The following THSD7B variants were observed in gnomAD, a reference collection of about 807,000 sequenced individuals.
THSD7B encodes the protein thrombospondin type-1 domain-containing protein 7B.
THSD7B carries 138 observed loss-of-function variants against 213.6 expected under a neutral mutation model. The ratio of observed to expected loss-of-function variants is 0.65; its 90% confidence interval spans 0.56 to 0.74. THSD7B has a LOEUF of 0.74. Ranked by LOEUF, THSD7B falls within the 30% of genes least tolerant of loss-of-function variation. The probability of loss-of-function intolerance (pLI) is 0.00; values close to 1 mark genes in which losing one functional copy is unlikely to be tolerated. For synonymous variants in THSD7B, 742 were observed against 687.0 expected, an observed-to-expected ratio of 1.08 and a Z score of -1.25; for missense variants, 1,931 against 1,991.5, an observed-to-expected ratio of 0.97 and a Z score of 0.58.
intron 7 of THSD7B, among the ~76,000 whole-genome samples, chr2:137,211,907 T>C (rs1056669186): frequency 6.6e-6 from 1 of 152,056 alleles, no homozygotes; most frequent in African/African-American, 2.4e-5. Flanking sequence ...TAGATATTTA[T>C]CAAATGAATC....
At chr2:137,646,915 A>G (rs995047613) in intron 21 of THSD7B, among the ~76,000 whole-genome samples, 38 of 152,150 alleles carry the variant, frequency 2.5e-4, no homozygotes, top group African/African-American at 9.2e-4. Context: ...AAGTTGCTAC[A>G]ACTTCATGTC....
chr2:137,421,594 G>A (rs931489005), intron 14 of THSD7B, among the ~76,000 whole-genome samples: 5 of 152,188 alleles, frequency 3.3e-5, no homozygotes, highest in Middle Eastern at 3.2e-3. Context: ...CATGTGTTCA[G>A]CTATCTGGAA....
intron 17 of THSD7B, among the ~76,000 whole-genome samples, chr2:137,594,499 T>G (rs1366041166): frequency 6.6e-6 from 1 of 152,008 alleles, no homozygotes; most frequent in South Asian, 2.1e-4. Flanking sequence ...ATTGCATTGT[T>G]GCCTTTGTAG....
chr2:136,903,102 C>T (rs148217814), intron 2 of THSD7B, among the ~76,000 whole-genome samples: 7 of 152,272 alleles, frequency 4.6e-5, no homozygotes, highest in East Asian at 3.9e-4. Context: ...GTAGCATTTA[C>T]GATGGCCCTT....
chr2:137,329,069 A>G (rs1289477558), intron 12 of THSD7B, among the ~76,000 whole-genome samples: 1 of 152,214 alleles, frequency 6.6e-6, no homozygotes, highest in Admixed American at 6.5e-5. Flanking sequence ...TAACTTTGGA[A>G]CTGGGTAACA....
At chr2:137,615,814 CT>C (rs149499454) in intron 17 of THSD7B, among the ~76,000 whole-genome samples, 2 of 150,896 alleles carry the variant, frequency 1.3e-5, no homozygotes, top group Non-Finnish European at 2.9e-5. Context: ...CAGTTTCTTC[CT>C]TTTTTTAAAA....
chr2:137,056,763 C>T lies in THSD7B; in HGVS notation c.483C>T (p.His161=), dbSNP rs187220386. 26 of 1,614,002 alleles carry T rather than the reference C, an allele frequency of 1.6e-5. No individual in the cohort carries two copies. The East Asian group carries it at 4.7e-4, about 29-fold the overall frequency. The change falls in exon 3 of 28, where the codon CAC becomes CAT. Residue 161 remains histidine, a synonymous_variant. Coordinates refer to ENST00000409968, the MANE Select transcript of THSD7B (RefSeq NM_001316349.2). ...RTVVANEICE[H]FALQPPTEQA... is the part of the protein sequence containing the mutation. ...TGGTTGCAAATGAAATATGCGAACA[C>T]TTTGCCCTTCAGCCTCCTACAGAAC...
chr2:137,453,029 T>C (rs1194765566), intron 15 of THSD7B, among the ~76,000 whole-genome samples: 1 of 152,102 alleles, frequency 6.6e-6, no homozygotes, highest in Admixed American at 6.5e-5. Context: ...TTCTCTTTGG[T>C]TTTTCTTGAT....
chr2:137,434,966 G>C (rs1050417409), intron 14 of THSD7B, among the ~76,000 whole-genome samples: 2 of 151,962 alleles, frequency 1.3e-5, no homozygotes, highest in African/African-American at 2.4e-5. Context: ...AAAAACTTAC[G>C]GTAGTCTTCA....
At chr2:136,912,249 G>A (rs1312267787) in intron 2 of THSD7B, among the ~76,000 whole-genome samples, 1 of 150,548 alleles carries the variant, frequency 6.6e-6, no homozygotes, top group African/African-American at 2.5e-5. Flanking sequence ...TTGAACCTGG[G>A]AGGTGGAGGT....
intron 12 of THSD7B, among the ~76,000 whole-genome samples, chr2:137,294,676 G>T (rs981361620): frequency 9.3e-5 from 14 of 149,836 alleles, no homozygotes; most frequent in Non-Finnish European, 1.9e-4. Context: ...TTTATTGTTA[G>T]TTGTTAATTT....
intron 20 of THSD7B, among the ~76,000 whole-genome samples, chr2:137,642,052 T>C (rs1405352057): frequency 6.6e-6 from 1 of 152,192 alleles, no homozygotes; most frequent in African/African-American, 2.4e-5. Context: ...ACTATTTTGG[T>C]TTAATATTTG....
chr2:137,558,865 G>C (rs571402228), intron 15 of THSD7B, among the ~76,000 whole-genome samples: 1 of 152,314 alleles, frequency 6.6e-6, no homozygotes, highest in Admixed American at 6.5e-5. Flanking sequence ...CTCCAGCAAA[G>C]TCTCAGGATA....
intron 12 of THSD7B, among the ~76,000 whole-genome samples, chr2:137,322,997 A>G (rs1200474345): frequency 6.6e-6 from 1 of 152,162 alleles, no homozygotes. Context: ...GGACAGCTTC[A>G]TGCCATGGCT....
rs540641179 is a variant in THSD7B, at chr2:137,533,201, T to C, written c.3139-30020T>C. Among the ~76,000 whole-genome samples the C allele has an allele frequency of 3.3e-5, 5 of 151,976 alleles. No homozygotes were observed. The East Asian group carries it at 9.7e-4, about 30-fold the overall frequency. On this transcript the variant is annotated intron_variant, in intron 15 of 27. Coordinates refer to ENST00000409968, the MANE Select transcript of THSD7B (RefSeq NM_001316349.2). The stretch of plus-strand genomic sequence containing the variant: ...AATTCCCTATTGCTAAATTAATTTT[T>C]TCAGATTAAATCATTTCTGACTCAT...
chr2:137,430,800 C>A (rs1687162914), intron 14 of THSD7B, among the ~76,000 whole-genome samples: 1 of 152,154 alleles, frequency 6.6e-6, no homozygotes, highest in Non-Finnish European at 1.5e-5. Flanking sequence ...GAGTGTGAGA[C>A]AAGTCAGCAA....
chr2:136,922,564 T>A (rs1238095611), intron 2 of THSD7B, among the ~76,000 whole-genome samples: 4 of 152,218 alleles, frequency 2.6e-5, no homozygotes, highest in African/African-American at 7.2e-5. Context: ...TTTTGTATGT[T>A]TTCATTTTCA....
At chr2:137,523,982 GA>G (rs1359207733) in intron 15 of THSD7B, among the ~76,000 whole-genome samples, 4 of 151,992 alleles carry the variant, frequency 2.6e-5, no homozygotes, top group Non-Finnish European at 4.4e-5. Context: ...TAGTTTAATG[GA>G]TTTTTTTTCC....
At chr2:136,778,809 C>T (rs940078991) in intron 1 of THSD7B, among the ~76,000 whole-genome samples, 1 of 152,086 alleles carries the variant, frequency 6.6e-6, no homozygotes, top group Admixed American at 6.6e-5. Flanking sequence ...AGAAGAGATG[C>T]ACTGATACCT....
Sources: allele counts gnomAD v4.1 joint callset (sites outside exome capture counted in the v4.1 genomes callset), GRCh38; gene constraint gnomAD v4.1.1; transcripts MANE v1.5; gene names NCBI Gene and HGNC (gene_info 2026-07-23, HGNC 2026-07-21).